KLHL7: variants seen among roughly 807,000 people sequenced by gnomAD.
KLHL7 encodes kelch like family member 7.
KLHL7 carries 44 observed loss-of-function variants against 67.4 expected under a neutral mutation model. The observed-to-expected ratio is 0.65, with a 90% CI of 0.51 to 0.84. The LOEUF is 0.84. Ranked by LOEUF, KLHL7 falls within the 40% of genes least tolerant of loss-of-function variation. KLHL7 has a pLI of 0.00. For missense variants in KLHL7, 362 were observed against 718.1 expected, an observed-to-expected ratio of 0.50 and a Z score of 5.67; for synonymous variants, 252 against 243.3, an observed-to-expected ratio of 1.04 and a Z score of -0.33.
At chr7:23,132,497 T>G (rs1451882298) in intron 4 of KLHL7, among the ~76,000 whole-genome samples, 1 of 152,218 alleles carries the variant, frequency 6.6e-6, no homozygotes, top group South Asian at 2.1e-4. Context: ...TTCATTGGCT[T>G]TATTAGATTT....
At chr7:23,164,041 T>G in intron 7 of KLHL7, among the ~76,000 whole-genome samples, 1 of 152,112 alleles carries the variant, frequency 6.6e-6, no homozygotes, top group South Asian at 2.1e-4. Flanking sequence ...CAGGGAGCAA[T>G]AAATAGCACT....
intron 6 of KLHL7, among the ~76,000 whole-genome samples, chr7:23,148,184 T>C (rs1784418307): frequency 6.6e-6 from 1 of 152,188 alleles, no homozygotes; most frequent in East Asian, 1.9e-4. Context: ...CAATGCAATG[T>C]TCTATAGTTA....
At chr7:23,128,480 T>C (rs1267401250) in intron 4 of KLHL7, among the ~76,000 whole-genome samples, 1 of 146,896 alleles carries the variant, frequency 6.8e-6, no homozygotes, top group South Asian at 2.3e-4. Context: ...TAAGTTATAC[T>C]GAGTATTAAA....
chr7:23,116,188 A>T (rs991039453), intron 1 of KLHL7, among the ~76,000 whole-genome samples: 1 of 152,112 alleles, frequency 6.6e-6, no homozygotes, highest in African/African-American at 2.4e-5. Context: ...ATGCTGTGAA[A>T]TTCCTTGTAT....
intron 2 of KLHL7, among the ~76,000 whole-genome samples, chr7:23,124,167 G>A (rs1783466741): frequency 8.2e-6 from 1 of 121,274 alleles, no homozygotes; most frequent in African/African-American, 3.4e-5. Context: ...CTCCATCCTG[G>A]GCGTCAGAGC....
At chr7:23,123,681 A>G in intron 1 of KLHL7, 96 bp from the exon 2 acceptor site, 1 of 780,342 alleles carries the variant, frequency 1.3e-6, no homozygotes, top group Non-Finnish European at 2.2e-6. Context: ...TAAATAGAAA[A>G]TAGAGATAAA....
intron 4 of KLHL7, among the ~76,000 whole-genome samples, chr7:23,139,088 T>TGAA (rs371785353): frequency 7.7e-6 from 1 of 129,862 alleles, no homozygotes; most frequent in African/African-American, 2.8e-5. Flanking sequence ...TTATTAATGC[T>TGAA]AAAAAAAAAA....
intron 1 of KLHL7, among the ~76,000 whole-genome samples, chr7:23,113,936 C>T (rs888947486): frequency 6.6e-6 from 1 of 152,138 alleles, no homozygotes; most frequent in African/African-American, 2.4e-5. Flanking sequence ...ATCAGATTAG[C>T]TTATTTGAGA....
intron 4 of KLHL7, among the ~76,000 whole-genome samples, chr7:23,130,966 G>A (rs1783777944): frequency 6.6e-6 from 1 of 152,154 alleles, no homozygotes; most frequent in South Asian, 2.1e-4. Context: ...GGTTAACAGG[G>A]ATCAAGAAAG....
chr7:23,109,974 T>C (rs1488038360), intron 1 of KLHL7, among the ~76,000 whole-genome samples: 1 of 152,238 alleles, frequency 6.6e-6, no homozygotes, highest in African/African-American at 2.4e-5. Context: ...CTGTCCCTTT[T>C]TCATGTCCAT....
chr7:23,171,137 C>T (rs781460837), intron 9 of KLHL7: 1 of 336,882 alleles, frequency 3.0e-6, no homozygotes, highest in South Asian at 2.3e-5. Context: ...CATCTCTTGA[C>T]CTTGTGATCT....
intron 4 of KLHL7, among the ~76,000 whole-genome samples, chr7:23,134,080 A>G (rs980728328): frequency 5.9e-5 from 9 of 151,990 alleles, no homozygotes; most frequent in African/African-American, 2.2e-4. Flanking sequence ...GATACTAGCT[A>G]TGGGTCTGTT....
chr7:23,156,734 T>C (rs186206895), intron 7 of KLHL7, among the ~76,000 whole-genome samples: 3 of 152,324 alleles, frequency 2.0e-5, no homozygotes, highest in Admixed American at 2.0e-4. Context: ...TTCATGGAAC[T>C]ACCAGGTTCA....
chr7:23,165,548 T>G lies in KLHL7; in HGVS notation c.937-150T>G, dbSNP rs1305905625. On this transcript the variant is annotated intron_variant, in intron 7 of 10. Transcript: ENST00000339077. ...AACATTCTGCAGAAACCACACAAGA[T>G]TAAATTGGTAATAGTCTCAAGCCAA... is the stretch of plus-strand genomic sequence containing the variant. 3 of 942,350 alleles carry G rather than the reference T, an allele frequency of 3.2e-6. No individual in the cohort carries two copies. In the East Asian group the frequency reaches 8.0e-5, roughly 25 times the overall value. The allele number at this position is 942,350 out of a possible 1,614,324, so 58.4% of individuals were successfully genotyped here. A position where few individuals can be genotyped will look rare whatever the true frequency, so the allele number is the denominator to read the frequency against.
rs1373921390 is a variant in KLHL7, at chr7:23,149,140, A to T, written c.794-2927A>T. On this transcript the variant is annotated intron_variant, in intron 6 of 10. Transcript: ENST00000339077. ...ATTACAAAATACAAATGAAGTGCAC[A>T]GCCAAAGCCACCACAAAGGGCCAGG... is the stretch of plus-strand genomic sequence containing the variant. Among the ~76,000 whole-genome samples the T allele has an allele frequency of 2.0e-5, 3 of 152,374 alleles. No individual in the cohort carries two copies. The East Asian group carries it at 5.8e-4, about 29-fold the overall frequency.
In KLHL7 at chr7:23,105,954, C is replaced by G. The variant is rs975045003; in HGVS notation, c.-73C>G. The G allele has an allele frequency of 1.5e-5, 24 of 1,568,352 alleles. No individual in the cohort carries two copies. Among genetic ancestry groups the G allele is most frequent in the Non-Finnish European group, 2.1e-5 (24 of 1,161,474 alleles). ...GATCGCCGTGTTTGGTCGATAGAAT[C>G]CCCAGTGTGCCCAGAGAGTGCGACC... On this transcript the variant is annotated 5_prime_UTR_variant, in exon 1 of 11. In the 5' UTR this introduces an upstream ATG that the reference lacks. Coordinates refer to ENST00000339077, the MANE Select transcript of KLHL7 (RefSeq NM_001031710.3).
intron 1 of KLHL7, among the ~76,000 whole-genome samples, chr7:23,112,318 G>A (rs372238070): frequency 6.6e-6 from 1 of 152,204 alleles, no homozygotes; most frequent in Non-Finnish European, 1.5e-5. Flanking sequence ...TTGTGTTTTA[G>A]ATGTGTTTAA....
rs1015515877 is a variant in KLHL7 at position 23,143,702 on chromosome 7, A to G, written c.619-149A>G. On this transcript the variant is annotated intron_variant, in intron 5 of 10. Coordinates refer to ENST00000339077, the MANE Select transcript of KLHL7 (RefSeq NM_001031710.3). ...TAGAGCAGTATGTAAGCTGTTTTGA[A>G]GAACCAGCAAGTGTCCAGGGATGAA... is the stretch of plus-strand genomic sequence containing the variant. 14 of 819,490 alleles carry G rather than the reference A, an allele frequency of 1.7e-5. No individual in the cohort carries two copies. The South Asian group carries it at 1.8e-4, about 11-fold the overall frequency. 50.8% of individuals were successfully genotyped at this position (819,490 alleles called of 1,614,324 possible).
chr7:23,129,179 G>C, intron 4 of KLHL7: 1 of 187,556 alleles, frequency 5.3e-6, no homozygotes, highest in Non-Finnish European at 1.1e-5. Flanking sequence ...ATGGTTGCAG[G>C]GGCATCTCCG....
Sources: allele counts gnomAD v4.1 joint callset (sites outside exome capture counted in the v4.1 genomes callset), GRCh38; gene constraint gnomAD v4.1.1; transcripts MANE v1.5; gene names NCBI Gene and HGNC (gene_info 2026-07-23, HGNC 2026-07-21).